The following CFAP95 variants were observed in gnomAD, a reference collection of about 807,000 sequenced individuals.
The protein encoded by CFAP95 is cilia and flagella associated protein 95, also known as cilia- and flagella-associated protein 95.
chr9:69,842,989 G>T, the CFAP95 span, among the ~76,000 whole-genome samples: 1 of 152,182 alleles, frequency 6.6e-6, no homozygotes, highest in Non-Finnish European at 1.5e-5. Context: ...TGGGGGTGGG[G>T]AAGGAAAGAG....
chr9:69,827,948 C>T, the CFAP95 span, among the ~76,000 whole-genome samples: 20 of 152,170 alleles, frequency 1.3e-4, no homozygotes, highest in Non-Finnish European at 2.4e-4. Context: ...ATGGTTTGCC[C>T]AGGATGGTTT....
At chr9:69,873,512 G>A in the CFAP95 span, among the ~76,000 whole-genome samples, 1 of 152,152 alleles carries the variant, frequency 6.6e-6, no homozygotes, top group Non-Finnish European at 1.5e-5. Flanking sequence ...GGCCTCACCT[G>A]CACAATGCAC....
At chr9:69,883,822 T>TAA in the CFAP95 span, among the ~76,000 whole-genome samples, 5 of 43,568 alleles carry the variant, frequency 1.1e-4, no homozygotes, top group African/African-American at 2.7e-4. Context: ...TTTATTTTTT[T>TAA]AAAAAAAAAC....
At chr9:69,840,841 A>G in the CFAP95 span, among the ~76,000 whole-genome samples, 1 of 152,116 alleles carries the variant, frequency 6.6e-6, no homozygotes, top group Non-Finnish European at 1.5e-5. Flanking sequence ...CACAGCATCC[A>G]TGGGCAGCCG....
At chr9:69,904,143 C>A in the CFAP95 span, among the ~76,000 whole-genome samples, 3 of 152,098 alleles carry the variant, frequency 2.0e-5, no homozygotes, top group African/African-American at 7.2e-5. Flanking sequence ...CAATCACCAC[C>A]ACAATCAATT....
chr9:69,874,101 A>T, the CFAP95 span, among the ~76,000 whole-genome samples: 1 of 152,176 alleles, frequency 6.6e-6, no homozygotes, highest in Non-Finnish European at 1.5e-5. Context: ...GCATCCTTAC[A>T]GTGTGGCATA....
chr9:69,843,631 C>CGTCTTCTTCTTCT, the CFAP95 span, among the ~76,000 whole-genome samples: 7 of 44,574 alleles, frequency 1.6e-4, no homozygotes, highest in African/African-American at 1.6e-4. Flanking sequence ...CTTCTTCTTC[C>CGTCTTCTTCTTCT]TCCTCCTCCT....
the CFAP95 span, among the ~76,000 whole-genome samples, chr9:69,875,877 T>C: frequency 6.6e-6 from 1 of 152,228 alleles, no homozygotes; most frequent in African/African-American, 2.4e-5. Context: ...TCCATTTTCT[T>C]GCAGGACATT....
chr9:69,902,255 G>T, the CFAP95 span: 1 of 441,020 alleles, frequency 2.3e-6, no homozygotes, highest in African/African-American at 2.0e-5. Context: ...CTCTTGACAG[G>T]TTCTTCCCTA....
At chr9:69,890,590 T>C in the CFAP95 span, among the ~76,000 whole-genome samples, 1 of 152,166 alleles carries the variant, frequency 6.6e-6, no homozygotes, top group East Asian at 1.9e-4. Flanking sequence ...AATTCACACA[T>C]ACTGAAAAAG....
At chr9:69,841,166 A>T in the CFAP95 span, among the ~76,000 whole-genome samples, 395 of 33,330 alleles carry the variant, frequency 0.012, 15 homozygotes, top group Middle Eastern at 0.04. Context: ...AAGCTGGATT[A>T]TATATATATA....
At chr9:69,859,320 T>C in the CFAP95 span, among the ~76,000 whole-genome samples, 59 of 152,254 alleles carry the variant, frequency 3.9e-4, no homozygotes, top group Middle Eastern at 6.8e-3. Context: ...TTTTGTTTTC[T>C]GGATCCTTTT....
the CFAP95 span, chr9:69,858,220 A>G: frequency 2.0e-6 from 1 of 488,400 alleles, no homozygotes; most frequent in Non-Finnish European, 3.7e-6. Flanking sequence ...TCTTCTCTGT[A>G]AAATTTACCT....
At chr9:69,821,455 G>A in the CFAP95 span, among the ~76,000 whole-genome samples, 1 of 152,072 alleles carries the variant, frequency 6.6e-6, no homozygotes, top group Admixed American at 6.5e-5. Context: ...TATAAATAGG[G>A]GGTGAAAAGG....
chr9:69,856,156 G>A, the CFAP95 span, among the ~76,000 whole-genome samples: 10 of 152,244 alleles, frequency 6.6e-5, no homozygotes, highest in African/African-American at 2.4e-4. Flanking sequence ...ATGACCGAGA[G>A]TGAATAATAA....
the CFAP95 span, among the ~76,000 whole-genome samples, chr9:69,836,639 C>T: frequency 2.0e-5 from 3 of 148,214 alleles, no homozygotes; most frequent in East Asian, 3.9e-4. Flanking sequence ...AAAAAGTATC[C>T]AAATTCCTAT....
the CFAP95 span, chr9:69,821,061 G>T: frequency 6.2e-7 from 1 of 1,606,454 alleles, no homozygotes; most frequent in Middle Eastern, 1.7e-4. Flanking sequence ...AAGTTCCCGG[G>T]TGCTGCGGGG....
the CFAP95 span, among the ~76,000 whole-genome samples, chr9:69,825,399 G>T: frequency 3.9e-5 from 6 of 152,064 alleles, no homozygotes; most frequent in African/African-American, 1.4e-4. Flanking sequence ...ATTAAAATCC[G>T]TTGTGTATAA....
the CFAP95 span, among the ~76,000 whole-genome samples, chr9:69,897,104 G>A: frequency 2.0e-5 from 3 of 152,126 alleles, no homozygotes; most frequent in African/African-American, 7.2e-5. Context: ...TCAAGTGCAT[G>A]TAATTGGTAA....
Sources: allele counts gnomAD v4.1 joint callset (sites outside exome capture counted in the v4.1 genomes callset), GRCh38; gene constraint gnomAD v4.1.1; transcripts MANE v1.5; gene names NCBI Gene and HGNC (gene_info 2026-07-23, HGNC 2026-07-21).